ZDHHC11: variants seen among roughly 807,000 people sequenced by gnomAD.
The protein encoded by ZDHHC11 is palmitoyltransferase ZDHHC11.
Under a neutral mutation model 51.3 loss-of-function variants are expected in ZDHHC11, and 44 were observed. The observed-to-expected ratio is 0.86, with a 90% confidence interval of 0.67 to 1.10. The LOEUF is 1.10. Among genes scored for constraint, ZDHHC11 ranks in the 50% least tolerant of loss-of-function variants. The pLI is 0.00. For synonymous variants in ZDHHC11, 163 were observed against 222.0 expected (o/e 0.73, Z 2.36); for missense variants, 400 against 537.7 (o/e 0.74, Z 2.53).
intron 5 of ZDHHC11, 38 bp from the exon 6 acceptor site, chr5:837,518 C>G (rs749771873): frequency 6.9e-6 from 11 of 1,599,660 alleles, no homozygotes; most frequent in South Asian, 2.2e-5. Flanking sequence ...AAGATACCAG[C>G]CCTGCGGCTT....
chr5:842,127 A>G (rs1167446399), intron 4 of ZDHHC11: 2 of 986,370 alleles, frequency 2.0e-6, no homozygotes, highest in African/African-American at 3.5e-5. Flanking sequence ...CTCAGGCCAC[A>G]ATCAATGAAT....
In ZDHHC11 at chr5:837,351, G is replaced by C. The variant is rs377718838; in HGVS notation, c.900+14C>G. ...CCCAGGCCTGGAGAAATGGAGCAGA[G>C]AGACAGGTGGTACCTGGAGAACTCC... On this transcript the variant is annotated intron_variant, in intron 6 of 12. Transcript: ENST00000283441. 3.7e-6 allele frequency: 6 copies of C among 1,613,740 alleles called. No individual in the cohort carries two copies. Among genetic ancestry groups the C allele is most frequent in the Middle Eastern group, 1.7e-4 (1 of 6,056 alleles).
intron 6 of ZDHHC11, among the ~76,000 whole-genome samples, chr5:835,462 C>T (rs913120329): frequency 6.6e-6 from 1 of 151,790 alleles, no homozygotes; most frequent in African/African-American, 2.4e-5. Flanking sequence ...ATGTCTCTCT[C>T]TCTGTCAGCG....
At chr5:803,955 GAA>G (rs1276316938) in intron 11 of ZDHHC11, among the ~76,000 whole-genome samples, 1 of 136,956 alleles carries the variant, frequency 7.3e-6, no homozygotes. Context: ...CTTAGGACCA[GAA>G]AAAAAAAAAA....
At chr5:808,984 T>TACACACACACACACACACACACAC (rs56961185) in intron 11 of ZDHHC11, among the ~76,000 whole-genome samples, 105 of 133,782 alleles carry the variant, frequency 7.8e-4, no homozygotes, top group African/African-American at 2.8e-3. Context: ...GACCATCAGT[T>TACACACACACACACACACACACAC]ACACACACAC....
At chr5:830,931 A>T (rs1380454989) in intron 7 of ZDHHC11, among the ~76,000 whole-genome samples, 3 of 152,244 alleles carry the variant, frequency 2.0e-5, no homozygotes, top group Non-Finnish European at 1.5e-5. Context: ...CCACATGTGA[A>T]GAATGAAGCT....
intron 10 of ZDHHC11, among the ~76,000 whole-genome samples, chr5:815,392 CTTGG>C (rs1479294381): frequency 6.6e-6 from 1 of 150,906 alleles, no homozygotes; most frequent in Admixed American, 6.6e-5. Context: ...TCTCAGTGCT[CTTGG>C]TTAAGAACCT....
upstream of ZDHHC11, among the ~76,000 whole-genome samples, chr5:854,124 G>A (rs1747759257): frequency 1.3e-5 from 2 of 148,580 alleles, no homozygotes; most frequent in African/African-American, 2.5e-5. Context: ...TGAGGAGCGG[G>A]GACAGACCCC....
intron 4 of ZDHHC11, chr5:843,312 G>C: frequency 5.3e-6 from 3 of 563,062 alleles, no homozygotes; most frequent in Non-Finnish European, 9.0e-6. Flanking sequence ...TGACTGCGGA[G>C]GGCAGGGGCA....
chr5:840,768 G>C (rs1227208931), intron 4 of ZDHHC11, 118 bp from the exon 5 acceptor site: 1 of 1,562,848 alleles, frequency 6.4e-7, no homozygotes, highest in Non-Finnish European at 8.7e-7. Context: ...CCAGTGCGAG[G>C]GATGTCTCCC....
intron 3 of ZDHHC11, among the ~76,000 whole-genome samples, chr5:846,458 A>C (rs1393784795): frequency 1.3e-5 from 2 of 150,888 alleles, no homozygotes; most frequent in Non-Finnish European, 3.0e-5. Context: ...TGCTCAGGGG[A>C]AACACCTCTC....
chr5:829,704 T>G (rs657573), intron 7 of ZDHHC11, among the ~76,000 whole-genome samples: 28 of 142,674 alleles, frequency 2.0e-4, no homozygotes, highest in Admixed American at 1.9e-3. Context: ...AACTACAGAC[T>G]AATATCCCTC....
intron 11 of ZDHHC11, among the ~76,000 whole-genome samples, chr5:802,515 T>C (rs761482539): frequency 2.6e-5 from 4 of 150,996 alleles, no homozygotes; most frequent in Admixed American, 2.0e-4. Flanking sequence ...TAAGTATGTA[T>C]ATAAAAATGG....
intron 5 of ZDHHC11, 35 bp downstream of exon 5, chr5:840,460 T>C (rs114217313): frequency 0.046 from 73,650 of 1,605,312 alleles, 1,560 homozygotes; most frequent in African/African-American, 0.077. Context: ...CCACCCAGCC[T>C]TGGGGGGATC....
intron 3 of ZDHHC11, among the ~76,000 whole-genome samples, chr5:844,129 A>C (rs72491322): frequency 0.11 from 16,223 of 147,144 alleles, 373 homozygotes; most frequent in East Asian, 0.28. Context: ...GCCACCGCCC[A>C]ACGCTGGCCT....
At position 818,155 on chromosome 5, in the gene ZDHHC11, T is replaced by G. The variant is rs1235316844; in HGVS notation, c.1146+1370A>C. The stretch of plus-strand genomic sequence containing the variant: ...TCATGTGGCTTCACACAAGGGTGAC[T>G]GTAAATCGTCATCTACACCGAGATG... On this transcript the variant is annotated intron_variant, in intron 10 of 12. Transcript: ENST00000283441. 2.0e-5 allele frequency among the ~76,000 whole-genome samples: 3 copies of G among 150,900 alleles called. 1 individual carries two copies. The highest frequency in any genetic ancestry group is 4.5e-5 in the Non-Finnish European group (3 of 67,376).
chr5:858,644 G>A (rs1209822869), intron 1 of ZDHHC11, among the ~76,000 whole-genome samples: 3 of 152,088 alleles, frequency 2.0e-5, no homozygotes, highest in Non-Finnish European at 4.4e-5. Context: ...GCTCAGCCAC[G>A]CTTTTTCCAT....
intron 11 of ZDHHC11, among the ~76,000 whole-genome samples, chr5:807,974 G>C (rs1264403390): frequency 1.3e-4 from 20 of 151,134 alleles, no homozygotes; most frequent in Non-Finnish European, 2.9e-5. Context: ...GCAGCTAAGA[G>C]AAGGCCACAG....
rs1199816604 is a variant in ZDHHC11, at chr5:828,332, A to C, written c.936-3081T>G. Among the ~76,000 whole-genome samples, 5 of 150,410 alleles carry C rather than the reference A, an allele frequency of 3.3e-5. 1 individual carries two copies. Among genetic ancestry groups the C allele is most frequent in the Non-Finnish European group, 5.9e-5 (4 of 67,468 alleles). On this transcript the variant is annotated intron_variant, in intron 7 of 12. Coordinates refer to ENST00000283441, the MANE Select transcript of ZDHHC11 (RefSeq NM_024786.3). ...GGGCGGCCGGGCGGAGGCACCCCCC[A>C]CCTCCCAGATGCGGCAGCTGGCCGG...
Sources: allele counts gnomAD v4.1 joint callset (sites outside exome capture counted in the v4.1 genomes callset), GRCh38; gene constraint gnomAD v4.1.1; transcripts MANE v1.5; gene names NCBI Gene and HGNC (gene_info 2026-07-23, HGNC 2026-07-21).